TBC1D12: variants seen among roughly 807,000 people sequenced by gnomAD.
TBC1D12 encodes the protein TBC1 domain family, member 12.
Under a neutral mutation model 86.7 loss-of-function variants are expected in TBC1D12, and 56 were observed. That is an observed-to-expected ratio of 0.65 (90% CI 0.52 to 0.81). The LOEUF (loss-of-function observed/expected upper bound fraction) is 0.81, where lower values mean the gene tolerates loss of function less well. Ranked by LOEUF, TBC1D12 falls within the 30% of genes least tolerant of loss-of-function variation. The pLI is 0.00. For missense variants in TBC1D12, 1,023 were observed against 1,038.8 expected (o/e 0.98, Z 0.21); for synonymous variants, 421 against 411.7 (o/e 1.02, Z -0.27).
intron 6 of TBC1D12, among the ~76,000 whole-genome samples, chr10:94,506,467 G>A (rs2056461995): frequency 6.6e-6 from 1 of 152,116 alleles, no homozygotes; most frequent in Non-Finnish European, 1.5e-5. Context: ...TGGGCAAGAC[G>A]TATTTTTTCT....
intron 6 of TBC1D12, among the ~76,000 whole-genome samples, chr10:94,504,338 C>A (rs2056435541): frequency 6.6e-6 from 1 of 152,116 alleles, no homozygotes; most frequent in Non-Finnish European, 1.5e-5. Context: ...TCAAAAGGTT[C>A]GTTTTTAGCT....
At chr10:94,503,637 A>G (rs1475396907) in intron 6 of TBC1D12, among the ~76,000 whole-genome samples, 1 of 151,988 alleles carries the variant, frequency 6.6e-6, no homozygotes, top group Admixed American at 6.6e-5. Context: ...TTATGTATTT[A>G]TTTTTGAGAT....
chr10:94,444,038 G>T (rs1398245126), intron 2 of TBC1D12, among the ~76,000 whole-genome samples: 1 of 152,028 alleles, frequency 6.6e-6, no homozygotes, highest in East Asian at 1.9e-4. Context: ...AGGCATGGTG[G>T]TGCATGCTTA....
At position 94,402,678 on chromosome 10, in the gene TBC1D12, C is replaced by A; in HGVS notation, c.65C>A (p.Ala22Glu). The A allele has an allele frequency of 6.2e-7, 1 of 1,606,664 alleles. No individual in the cohort carries two copies. The highest frequency in any genetic ancestry group is 8.5e-7 in the Non-Finnish European group (1 of 1,177,286). ...AACCCCAAGTTGCTCCCGGTGCCTG[C>A]GCCGGACCCCGTGGGCCAGGACAGG... ...GRNPKLLPVP[A>E]PDPVGQDRKV... Residue 22 changes from alanine (A) to glutamate (E), a missense_variant, in exon 1 of 13, where the codon GCG becomes GAG. By Grantham distance (107) the Ala-to-Glu change is moderately radical. Transcript: ENST00000225235.
intron 2 of TBC1D12, among the ~76,000 whole-genome samples, chr10:94,456,054 G>A (rs1384518253): frequency 6.6e-6 from 1 of 152,028 alleles, no homozygotes; most frequent in Non-Finnish European, 1.5e-5. Context: ...TTAGTAATTT[G>A]TGTCTTTTTT....
chr10:94,479,584 T>C (rs574523480), intron 3 of TBC1D12, among the ~76,000 whole-genome samples: 1 of 152,244 alleles, frequency 6.6e-6, no homozygotes, highest in African/African-American at 2.4e-5. Flanking sequence ...TAATAGTTGG[T>C]GCTATGACAT....
chr10:94,468,154 T>G (rs996482851), intron 2 of TBC1D12, among the ~76,000 whole-genome samples: 7 of 152,246 alleles, frequency 4.6e-5, no homozygotes, highest in African/African-American at 1.4e-4. Flanking sequence ...ACCTCCTTTC[T>G]AACTTTTGTG....
At chr10:94,468,088 A>G (rs1394792678) in intron 2 of TBC1D12, among the ~76,000 whole-genome samples, 1 of 152,154 alleles carries the variant, frequency 6.6e-6, no homozygotes, top group African/African-American at 2.4e-5. Flanking sequence ...CTACCTTCAA[A>G]TAACTTTATA....
chr10:94,471,764 C>A (rs2055911123), intron 2 of TBC1D12, among the ~76,000 whole-genome samples: 1 of 152,176 alleles, frequency 6.6e-6, no homozygotes, highest in African/African-American at 2.4e-5. Context: ...ATAAGGTGAA[C>A]CAAAAGCCCT....
chr10:94,436,029 T>G (rs1455698848), intron 1 of TBC1D12, among the ~76,000 whole-genome samples: 2 of 152,214 alleles, frequency 1.3e-5, no homozygotes, highest in Non-Finnish European at 2.9e-5. Context: ...TATCCCTGGG[T>G]CAATACCATA....
At chr10:94,487,547 GACA>G (rs2134167152) in intron 3 of TBC1D12, among the ~76,000 whole-genome samples, 1 of 151,592 alleles carries the variant, frequency 6.6e-6, no homozygotes, top group South Asian at 2.1e-4. Context: ...TTAAACTGAT[GACA>G]ACATTGATTG....
At position 94,428,952 on chromosome 10, in the gene TBC1D12, G is replaced by A. The variant is rs188827783; in HGVS notation, c.972-12944G>A. On this transcript the variant is annotated intron_variant, in intron 1 of 12. Coordinates refer to ENST00000225235, the MANE Select transcript of TBC1D12 (RefSeq NM_015188.2). Reference sequence around the variant, plus strand: ...ACTCCTAGATGCAAGTGATCCTCCCGCCTTGGACTCTCAAAGTGCTGGCAT... The same window carrying A: ...ACTCCTAGATGCAAGTGATCCTCCCACCTTGGACTCTCAAAGTGCTGGCAT... Among the ~76,000 whole-genome samples the A allele has an allele frequency of 3.5e-3, 530 of 152,050 alleles. 2 individuals are homozygous for A. Among genetic ancestry groups the A allele is most frequent in the African/African-American group, 0.012 (509 of 41,488 alleles).
intron 9 of TBC1D12, among the ~76,000 whole-genome samples, chr10:94,511,861 G>A (rs1037828845): frequency 4.6e-5 from 7 of 152,096 alleles, no homozygotes; most frequent in South Asian, 2.1e-4. Flanking sequence ...GGGGAGCTGC[G>A]GGAGATTTCA....
In TBC1D12 at chr10:94,402,896, G is replaced by C; in HGVS notation, c.283G>C (p.Ala95Pro). ...CTACTGTCCGCTCCCCGCTGGCCAG[G>C]CCGGCGCCCCGCCGCCCTCGGCAGC... ...LCYCPLPAGQ[A>P]GAPPPSAAPR... The change falls in exon 1 of 13, where the codon GCC becomes CCC. Residue 95 changes from alanine to proline, a missense_variant. This residue lies in a region of TBC1D12 where 628 missense variants were observed against 531.1 expected (regional missense o/e 1.18). Coordinates refer to ENST00000225235, the MANE Select transcript of TBC1D12 (RefSeq NM_015188.2). 1 of 1,487,944 alleles carries C rather than the reference G, an allele frequency of 6.7e-7. No individual in the cohort carries two copies. 92.2% of individuals were successfully genotyped at this position (1,487,944 alleles called of 1,614,324 possible). A position where few individuals can be genotyped will look rare whatever the true frequency, so the allele number is the denominator to read the frequency against.
chr10:94,490,155 G>A (rs970504034), intron 3 of TBC1D12, among the ~76,000 whole-genome samples: 1 of 152,056 alleles, frequency 6.6e-6, no homozygotes, highest in African/African-American at 2.4e-5. Flanking sequence ...AGAGGCTGAC[G>A]CAGGAGAATT....
intron 3 of TBC1D12, among the ~76,000 whole-genome samples, chr10:94,476,786 A>G (rs2055993865): frequency 6.6e-6 from 1 of 152,144 alleles, no homozygotes; most frequent in Non-Finnish European, 1.5e-5. Context: ...ATTTCATATC[A>G]TATCTGCCTC....
At chr10:94,445,830 T>G (rs1348774984) in intron 2 of TBC1D12, among the ~76,000 whole-genome samples, 4 of 151,448 alleles carry the variant, frequency 2.6e-5, no homozygotes, top group Non-Finnish European at 4.4e-5. Context: ...TGCCTATAAT[T>G]CCAGCTGCTC....
intron 1 of TBC1D12, among the ~76,000 whole-genome samples, chr10:94,417,192 AGTTTATGGGT>A (rs1359486334): frequency 6.6e-6 from 1 of 152,188 alleles, no homozygotes; most frequent in Non-Finnish European, 1.5e-5. Flanking sequence ...TAGTTATGGT[AGTTTATGGGT>A]GTTTGTCAGT....
intron 1 of TBC1D12, among the ~76,000 whole-genome samples, chr10:94,417,057 G>A (rs541815892): frequency 1.3e-5 from 2 of 152,216 alleles, no homozygotes; most frequent in African/African-American, 4.8e-5. Flanking sequence ...GTGAGAGGTG[G>A]CAGTACAGGG....
Sources: allele counts gnomAD v4.1 joint callset (sites outside exome capture counted in the v4.1 genomes callset), GRCh38; gene constraint gnomAD v4.1.1; regional missense constraint gnomAD v4.1.1; transcripts MANE v1.5; gene names NCBI Gene and HGNC (gene_info 2026-07-23, HGNC 2026-07-21).